The following QTMAN variants were observed in gnomAD, a reference collection of about 807,000 sequenced individuals.
The protein encoded by QTMAN is tRNA-queuosine alpha-mannosyltransferase.
At chr2:144,059,787 C>T in the QTMAN span, among the ~76,000 whole-genome samples, 15 of 152,116 alleles carry the variant, frequency 9.9e-5, no homozygotes, top group African/African-American at 3.1e-4. Context: ...GAATGTGCCA[C>T]ATGTTACTTC....
chr2:144,141,962 G>A, the QTMAN span: 1 of 1,610,648 alleles, frequency 6.2e-7, no homozygotes, highest in Non-Finnish European at 8.5e-7. Flanking sequence ...CCTTGGGTCT[G>A]TGATCAGGAA....
chr2:144,245,688 T>C, the QTMAN span, among the ~76,000 whole-genome samples: 4 of 152,172 alleles, frequency 2.6e-5, no homozygotes, highest in African/African-American at 9.7e-5. Context: ...AAAACATCAT[T>C]CAACTTTTAA....
chr2:143,992,397 C>G, the QTMAN span, among the ~76,000 whole-genome samples: 2 of 145,650 alleles, frequency 1.4e-5, no homozygotes, highest in Admixed American at 6.9e-5. Flanking sequence ...ACAAACACTG[C>G]GGAAGGCCTC....
chr2:144,209,613 A>G, the QTMAN span, among the ~76,000 whole-genome samples: 2 of 152,226 alleles, frequency 1.3e-5, no homozygotes, highest in South Asian at 4.1e-4. Context: ...ATAAAATTTC[A>G]TCACAGAGAA....
At chr2:143,938,324 C>T in the QTMAN span, 1 of 152,216 alleles carries the variant, frequency 6.6e-6, no homozygotes, top group South Asian at 2.1e-4. Flanking sequence ...TTAAACTCCA[C>T]CGTGTCCCGA....
the QTMAN span, among the ~76,000 whole-genome samples, chr2:144,077,884 G>A: frequency 1.1e-4 from 16 of 152,042 alleles, no homozygotes; most frequent in Non-Finnish European, 1.8e-4. Flanking sequence ...TTCTTTGATC[G>A]TCTGCAATAT....
chr2:144,200,981 G>A, the QTMAN span, among the ~76,000 whole-genome samples: 1 of 152,042 alleles, frequency 6.6e-6, no homozygotes, highest in African/African-American at 2.4e-5. Flanking sequence ...TCATTCCTTC[G>A]ACCACATTTT....
the QTMAN span, among the ~76,000 whole-genome samples, chr2:144,027,946 G>A: frequency 8.5e-5 from 13 of 152,122 alleles, no homozygotes; most frequent in Non-Finnish European, 1.3e-4. Context: ...ACTTGCTCTC[G>A]TGCTGTAGAA....
chr2:144,292,565 T>C, the QTMAN span, among the ~76,000 whole-genome samples: 6 of 152,200 alleles, frequency 3.9e-5, no homozygotes, highest in African/African-American at 1.4e-4. Context: ...TACCCTGTAC[T>C]ACAAACAGAA....
chr2:144,322,299 C>T, the QTMAN span, among the ~76,000 whole-genome samples: 3 of 151,986 alleles, frequency 2.0e-5, no homozygotes, highest in Non-Finnish European at 4.4e-5. Flanking sequence ...GTTTATGTGG[C>T]TTGTAATGAT....
chr2:144,106,024 G>A, the QTMAN span, among the ~76,000 whole-genome samples: 1 of 152,148 alleles, frequency 6.6e-6, no homozygotes, highest in Non-Finnish European at 1.5e-5. Context: ...AAGTGAAGGA[G>A]AAATAAAATC....
At chr2:144,079,209 A>C in the QTMAN span, among the ~76,000 whole-genome samples, 1 of 152,152 alleles carries the variant, frequency 6.6e-6, no homozygotes, top group African/African-American at 2.4e-5. Flanking sequence ...GCAAGCACAT[A>C]GTGCAGTTCA....
chr2:144,026,700 A>AG, the QTMAN span, among the ~76,000 whole-genome samples: 1 of 152,246 alleles, frequency 6.6e-6, no homozygotes, highest in East Asian at 1.9e-4. Flanking sequence ...TCTTCTACAA[A>AG]GGGGGATTAA....
the QTMAN span, among the ~76,000 whole-genome samples, chr2:144,117,898 T>G: frequency 6.6e-6 from 1 of 151,852 alleles, no homozygotes; most frequent in South Asian, 2.1e-4. Context: ...CAGGCTGGAG[T>G]GCAGTGGCGC....
chr2:144,055,112 A>C, the QTMAN span, among the ~76,000 whole-genome samples: 3 of 152,314 alleles, frequency 2.0e-5, no homozygotes, highest in East Asian at 5.8e-4. Flanking sequence ...AGCGGAGTAG[A>C]TGCCAAATTT....
the QTMAN span, among the ~76,000 whole-genome samples, chr2:144,220,816 T>C: frequency 6.6e-6 from 1 of 152,208 alleles, no homozygotes; most frequent in Non-Finnish European, 1.5e-5. Flanking sequence ...AGGCATATAA[T>C]ATCCTCTATT....
At chr2:144,102,779 A>G in the QTMAN span, among the ~76,000 whole-genome samples, 5 of 152,366 alleles carry the variant, frequency 3.3e-5, no homozygotes, top group East Asian at 9.6e-4. Context: ...TCTAGCACCC[A>G]GCACATTGCT....
chr2:144,104,561 G>A, the QTMAN span, among the ~76,000 whole-genome samples: 15,899 of 152,170 alleles, frequency 0.1, 1,277 homozygotes, highest in East Asian at 0.26. Context: ...GGCTGGGGGA[G>A]GGGCGCCCAC....
the QTMAN span, among the ~76,000 whole-genome samples, chr2:144,290,619 T>A: frequency 6.6e-6 from 1 of 152,250 alleles, no homozygotes; most frequent in Non-Finnish European, 1.5e-5. Context: ...GTTCACTGTA[T>A]GTCCTCTCAG....
Sources: gnomAD v4.1 joint callset for allele counts (sites outside exome capture counted in the v4.1 genomes callset) on GRCh38, gnomAD v4.1.1 for gene constraint, MANE v1.5 for transcripts, NCBI Gene and HGNC (gene_info 2026-07-23, HGNC 2026-07-21) for gene names.